The following FGD5 variants were observed in gnomAD, a reference collection of about 807,000 sequenced individuals.
The protein encoded by FGD5 is FYVE, RhoGEF and PH domain-containing protein 5.
A neutral mutation model predicts 133.4 loss-of-function variants in FGD5; 28 were observed. That is an observed-to-expected ratio of 0.21 (90% CI 0.16 to 0.29). The LOEUF is 0.29. Ranked by LOEUF, FGD5 falls within the 10% of genes least tolerant of loss-of-function variation. The pLI is 1.00. For synonymous variants in FGD5, 810 were observed against 776.5 expected, an observed-to-expected ratio of 1.04 and a Z score of -0.72; for missense variants, 1,858 against 1,895.2, an observed-to-expected ratio of 0.98 and a Z score of 0.36.
At chr3:14,871,620 C>T (rs753131411) in intron 2 of FGD5, among the ~76,000 whole-genome samples, 2 of 152,046 alleles carry the variant, frequency 1.3e-5, no homozygotes, top group African/African-American at 2.4e-5. Flanking sequence ...TCAGAGGGGA[C>T]GGGAGAGAAG....
rs372950204 is a variant in FGD5, at chr3:14,932,710, A to G, written c.4331A>G (p.Glu1444Gly). The change falls in exon 19 of 20, where the codon GAA (glutamate) becomes GGA (glycine). Residue 1444 changes from glutamate to glycine, a missense_variant. Transcript: ENST00000285046. ...ACCCTATTTTATAGCTTCAAAGCAG[A>G]AGATACCAATTCAGCTCAGAGGTAC... is the stretch of plus-strand genomic sequence containing the variant. ...KKTLFYSFKAEDTNSAQRWIE... is the reference protein window; with the variant it reads ...KKTLFYSFKAGDTNSAQRWIE... The G allele has an allele frequency of 1.1e-5, 17 of 1,613,814 alleles. No homozygotes were observed. The highest frequency in any genetic ancestry group is 2.7e-5 in the African/African-American group (2 of 74,928).
intron 1 of FGD5, chr3:14,811,407 G>A (rs1396935537): frequency 6.6e-6 from 1 of 152,112 alleles, no homozygotes; most frequent in Non-Finnish European, 1.5e-5. Context: ...CCGAGGCTTG[G>A]AGCTTACTCT....
At chr3:14,929,024 A>G (rs1224122555) in intron 18 of FGD5, among the ~76,000 whole-genome samples, 1 of 152,170 alleles carries the variant, frequency 6.6e-6, no homozygotes, top group East Asian at 1.9e-4. Context: ...AATTGCCACT[A>G]TCATCCTGTC....
chr3:14,910,705 C>T (rs1486830907), intron 10 of FGD5, among the ~76,000 whole-genome samples, 156 bp from the exon 11 acceptor site: 1 of 152,148 alleles, frequency 6.6e-6, no homozygotes, highest in Non-Finnish European at 1.5e-5. Flanking sequence ...CTCGGGTTCT[C>T]TGGGAGGCTT....
At position 14,820,521 on chromosome 3, in the gene FGD5, C is replaced by G. The variant is rs1233496795; in HGVS notation, c.1450C>G (p.Pro484Ala). Residue 484 changes from proline to alanine, a missense_variant, in exon 1 of 20, where the codon CCC becomes GCC. By Grantham distance (27) the Pro-to-Ala change is conservative. This residue lies in a region of FGD5 where 1,824 missense variants were observed against 1,848.9 expected (regional missense o/e 0.99). Coordinates refer to ENST00000285046, the MANE Select transcript of FGD5 (RefSeq NM_152536.4). ...DRKNTSTRVR[P>A]HSGKVAGYVP... ...GAAGAACACCAGCACGAGGGTCCGG[C>G]CCCACTCTGGGAAGGTGGCCGGCTA... is the stretch of plus-strand genomic sequence containing the variant. 6.2e-7 allele frequency: 1 copy of G among 1,613,860 alleles called. No homozygotes were observed. Among genetic ancestry groups the G allele is most frequent in the Admixed American group, 1.7e-5 (1 of 60,010 alleles).
intron 18 of FGD5, among the ~76,000 whole-genome samples, chr3:14,928,918 C>T (rs1002265268): frequency 3.2e-4 from 49 of 151,408 alleles, no homozygotes; most frequent in African/African-American, 1.2e-3. Flanking sequence ...GTTTTTGTAC[C>T]TTTTTTTTGC....
chr3:14,885,649 G>A (rs191530701), intron 4 of FGD5, among the ~76,000 whole-genome samples: 3 of 152,266 alleles, frequency 2.0e-5, no homozygotes, highest in Admixed American at 6.5e-5. Flanking sequence ...CTCTGCCTAC[G>A]CGAGTTTGGG....
rs946320501 is a variant in FGD5, at chr3:14,900,568, T to C, written c.3205+115T>C. The C allele has an allele frequency of 2.1e-5, 26 of 1,229,852 alleles. No individual in the cohort carries two copies. In the African/African-American group the frequency reaches 3.8e-4, roughly 18 times the overall value. The allele number at this position is 1,229,852 out of a possible 1,614,324, so 76.2% of individuals were successfully genotyped here. ...AGGATATAGTCCCCTCCCCACCAGC[T>C]GGGTGGGTTCTGCATATGACACATC... On this transcript the variant is annotated intron_variant, in intron 8 of 19. Transcript: ENST00000285046.
intron 5 of FGD5, 93 bp downstream of exon 5, chr3:14,897,762 T>G: frequency 6.8e-7 from 1 of 1,470,364 alleles, no homozygotes; most frequent in Non-Finnish European, 9.1e-7. Context: ...GTATCTCCAT[T>G]TGATTGATGG....
chr3:14,863,034 C>G (rs1427545956), intron 1 of FGD5, among the ~76,000 whole-genome samples: 2 of 152,164 alleles, frequency 1.3e-5, no homozygotes, highest in Admixed American at 6.5e-5. Flanking sequence ...TGATGTCCCC[C>G]ACCCGCCTCA....
intron 2 of FGD5, among the ~76,000 whole-genome samples, chr3:14,866,144 C>T (rs1048159660): frequency 6.6e-6 from 1 of 152,144 alleles, no homozygotes; most frequent in African/African-American, 2.4e-5. Flanking sequence ...CTCTTTTAAA[C>T]CCTCCTCTGG....
At chr3:14,813,895 TAGAG>T (rs575719691) in intron 1 of FGD5, among the ~76,000 whole-genome samples, 14 of 152,122 alleles carry the variant, frequency 9.2e-5, no homozygotes, top group South Asian at 2.1e-4. Context: ...TTAATTAAAA[TAGAG>T]AGAGAAAATA....
chr3:14,887,610 G>A (rs960524016), intron 4 of FGD5, among the ~76,000 whole-genome samples: 7 of 152,058 alleles, frequency 4.6e-5, no homozygotes, highest in African/African-American at 1.7e-4. Context: ...ACATATCAGG[G>A]AGTGATGGCA....
intron 11 of FGD5, among the ~76,000 whole-genome samples, chr3:14,912,993 G>A (rs1400952493): frequency 1.3e-5 from 2 of 151,896 alleles, no homozygotes; most frequent in South Asian, 2.1e-4. Context: ...CTCAGATTGC[G>A]CCATTACACT....
chr3:14,876,746 C>T (rs529013835), intron 2 of FGD5, among the ~76,000 whole-genome samples: 1 of 152,274 alleles, frequency 6.6e-6, no homozygotes, highest in African/African-American at 2.4e-5. Context: ...AAAGGTAGGA[C>T]TTTACATACC....
intron 1 of FGD5, chr3:14,810,991 C>T: frequency 1.3e-6 from 1 of 790,960 alleles, no homozygotes; most frequent in Non-Finnish European, 1.5e-6. Context: ...TCCAGTGCCG[C>T]TCGGCCTCGG....
At chr3:14,911,900 A>C (rs1437541575) in intron 11 of FGD5, among the ~76,000 whole-genome samples, 1 of 151,426 alleles carries the variant, frequency 6.6e-6, no homozygotes, top group East Asian at 1.9e-4. Flanking sequence ...CACTGTGCTC[A>C]GTGTTTCATA....
chr3:14,896,662 G>T (rs1022502417), intron 4 of FGD5, among the ~76,000 whole-genome samples: 1 of 152,014 alleles, frequency 6.6e-6, no homozygotes, highest in Non-Finnish European at 1.5e-5. Flanking sequence ...GTAGAGACAG[G>T]GTTTCTCCAT....
intron 2 of FGD5, among the ~76,000 whole-genome samples, chr3:14,871,861 G>C (rs950105917): frequency 6.6e-6 from 1 of 152,240 alleles, no homozygotes; most frequent in African/African-American, 2.4e-5. Context: ...ACTCAGTCTT[G>C]CTTTCTCCTT....
Sources: allele counts gnomAD v4.1 joint callset (sites outside exome capture counted in the v4.1 genomes callset), GRCh38; gene constraint gnomAD v4.1.1; regional missense constraint gnomAD v4.1.1; transcripts MANE v1.5; gene names NCBI Gene and HGNC (gene_info 2026-07-23, HGNC 2026-07-21).